The following HENMT1 variants were observed in gnomAD, a reference collection of about 807,000 sequenced individuals.
HENMT1 encodes HEN methyltransferase 1.
HENMT1 carries 27 observed loss-of-function variants against 31.1 expected under a neutral mutation model. The ratio of observed to expected loss-of-function variants is 0.87; its 90% confidence interval spans 0.64 to 1.20. The LOEUF (loss-of-function observed/expected upper bound fraction) is 1.20. Among genes scored for constraint, HENMT1 ranks in the 50% most tolerant of loss-of-function variants. The pLI, the probability that HENMT1 is intolerant of heterozygous loss-of-function variation, is 0.00. For synonymous variants in HENMT1, 167 were observed against 172.2 expected, an observed-to-expected ratio of 0.97 and a Z score of 0.24; for missense variants, 438 against 469.6, an observed-to-expected ratio of 0.93 and a Z score of 0.62.
intron 3 of HENMT1, among the ~76,000 whole-genome samples, chr1:108,656,571 T>A (rs183202605): frequency 1.1e-4 from 17 of 152,294 alleles, no homozygotes; most frequent in African/African-American, 4.1e-4. Flanking sequence ...AGCCTCAACC[T>A]CCTGGGCTCA....
rs764910348 is a variant in HENMT1, at chr1:108,648,592, A to T, written c.1156T>A (p.Tyr386Asn). ...GSAVVADLRNYFDEQFEF is the reference protein window; with the variant it reads ...GSAVVADLRNNFDEQFEF ...CAAAACTCAAACTGTTCATCAAAAT[A>T]ATTACGCAGGTCAGCCACCACTGCA... The change falls in exon 8 of 8, where the codon TAT (tyrosine) becomes AAT (asparagine). Residue 386 changes from tyrosine to asparagine, a missense_variant. Coordinates refer to ENST00000651461, the MANE Select transcript of HENMT1 (RefSeq NM_001102592.2). The T allele has an allele frequency of 1.9e-6, 3 of 1,613,702 alleles. No homozygotes were observed. The South Asian group carries it at 3.3e-5, about 18-fold the overall frequency.
Position 108,648,624 on chromosome 1 carries a change from T to A in HENMT1, c.1124A>T (p.Asp375Val). 2 of 1,614,212 alleles carry A rather than the reference T, an allele frequency of 1.2e-6. No individual in the cohort carries two copies. Among genetic ancestry groups the A allele is most frequent in the Non-Finnish European group, 1.7e-6 (2 of 1,180,036 alleles). ...CAGGTCAGCCACCACTGCAGAACCATCACTGCTCAGAGGAATTGAGTCAGC... is the reference window on the plus strand; with the variant it reads ...CAGGTCAGCCACCACTGCAGAACCAACACTGCTCAGAGGAATTGAGTCAGC... ...VIADSIPLSS[D>V]GSAVVADLRN... Residue 375 changes from aspartate (D) to valine (V), a missense_variant, in exon 8 of 8, where the codon GAT becomes GTT. Asp to Val is a radical substitution (Grantham distance 152). Transcript: ENST00000651461.
Position 108,661,054 on chromosome 1 carries a change from G to T in HENMT1, c.-170C>A. ...AACCGAAAAAACAAAGCTCGTCGCGGAGCCGCCAGCGTCCTCAACTCAGCG... is the reference window on the plus strand; with the variant it reads ...AACCGAAAAAACAAAGCTCGTCGCGTAGCCGCCAGCGTCCTCAACTCAGCG... On this transcript the variant is annotated 5_prime_UTR_variant, in exon 1 of 8. Coordinates refer to ENST00000651461, the MANE Select transcript of HENMT1 (RefSeq NM_001102592.2). 1.0e-6 allele frequency: 1 copy of T among 971,672 alleles called. No homozygotes were observed. Among genetic ancestry groups the T allele is most frequent in the Non-Finnish European group, 1.2e-6 (1 of 817,492 alleles). 60.2% of individuals were successfully genotyped at this position (971,672 alleles called of 1,614,324 possible).
intron 4 of HENMT1, 99 bp downstream of exon 4, chr1:108,655,487 C>G: frequency 1.5e-6 from 1 of 658,124 alleles, no homozygotes. Context: ...CTAATGGCCC[C>G]AATCTTTTAA....
chr1:108,656,013 G>A (rs978657357), intron 3 of HENMT1, among the ~76,000 whole-genome samples: 5 of 152,056 alleles, frequency 3.3e-5, no homozygotes, highest in African/African-American at 4.8e-5. Context: ...AAACAATTAC[G>A]TACACACAGT....
At chr1:108,649,243 C>G (rs1201688853) in intron 7 of HENMT1, 3 of 604,642 alleles carry the variant, frequency 5.0e-6, no homozygotes, top group Non-Finnish European at 9.2e-6. Flanking sequence ...GTCACATGAA[C>G]CCAGTATTTC....
chr1:108,657,980 C>T (rs1463092097), intron 2 of HENMT1, among the ~76,000 whole-genome samples: 3 of 142,094 alleles, frequency 2.1e-5, no homozygotes, highest in Non-Finnish European at 4.7e-5. Context: ...TATATACACA[C>T]ACACATATAT....
chr1:108,660,835 A>T, intron 1 of HENMT1, 128 bp downstream of exon 1: 1 of 247,454 alleles, frequency 4.0e-6, no homozygotes, highest in Non-Finnish European at 6.4e-6. Flanking sequence ...GAGGCAGGAG[A>T]ATGGCATGAA....
intron 3 of HENMT1, among the ~76,000 whole-genome samples, 169 bp downstream of exon 3, chr1:108,657,281 AC>A (rs959795758): frequency 6.6e-6 from 1 of 151,396 alleles, no homozygotes; most frequent in African/African-American, 2.4e-5. Context: ...TAAAAGAAAA[AC>A]CCCTTTTGCT....
At chr1:108,649,103 A>G (rs1657968332) in intron 7 of HENMT1, 112 bp from the exon 8 acceptor site, 1 of 778,350 alleles carries the variant, frequency 1.3e-6, no homozygotes. Flanking sequence ...CATATTGAAT[A>G]TATGTCAGAT....
At chr1:108,650,922 G>T in intron 6 of HENMT1, 108 bp downstream of exon 6, 1 of 751,762 alleles carries the variant, frequency 1.3e-6, no homozygotes, top group Non-Finnish European at 2.2e-6. Flanking sequence ...CAATTTTATT[G>T]GAAGAAAGTA....
At chr1:108,661,172 G>T (rs553161554), upstream of HENMT1, 1 of 181,098 alleles carries the variant, frequency 5.5e-6, no homozygotes, top group Non-Finnish European at 1.1e-5. Context: ...CCTCCCCGCG[G>T]GGCTCGCCAA....
chr1:108,661,275 T>G (rs1658474239), upstream of HENMT1: 1 of 152,258 alleles, frequency 6.6e-6, no homozygotes. Flanking sequence ...AGGCGTCGGT[T>G]TTGCGTCTCG....
chr1:108,656,996 C>A (rs555193468), intron 3 of HENMT1, among the ~76,000 whole-genome samples: 171 of 152,306 alleles, frequency 1.1e-3, no homozygotes, highest in Non-Finnish European at 1.5e-3. Flanking sequence ...AAAGGGCTCA[C>A]TGCAAAAAAC....
intron 1 of HENMT1, among the ~76,000 whole-genome samples, chr1:108,660,656 G>T (rs1658426172): frequency 6.6e-6 from 1 of 152,138 alleles, no homozygotes; most frequent in Non-Finnish European, 1.5e-5. Context: ...CGGGCGCGGT[G>T]GCTCACGCCT....
Position 108,651,006 on chromosome 1 carries a change from A to AAAC in HENMT1, c.578+21_578+23dup, listed in dbSNP as rs753700882. 4 of 1,559,412 alleles carry AAAC rather than the reference A, an allele frequency of 2.6e-6. No homozygotes were observed. In the South Asian group the frequency reaches 4.6e-5, roughly 18 times the overall value. On this transcript the variant is annotated intron_variant, in intron 6 of 7. Transcript: ENST00000651461. ...TTTAAACTCCAACAGGATCCCAAAT[A>AAAC]AACAAAAACCCTTCTGAACTTACCA...
chr1:108,657,826 G>A (rs929317043), intron 2 of HENMT1, among the ~76,000 whole-genome samples: 1 of 152,006 alleles, frequency 6.6e-6, no homozygotes, highest in South Asian at 2.1e-4. Context: ...AGTTTCAGCT[G>A]AAGGGAACAT....
chr1:108,649,021 T>A, intron 7 of HENMT1, 30 bp from the exon 8 acceptor site: 1 of 1,508,702 alleles, frequency 6.6e-7, no homozygotes, highest in African/African-American at 1.4e-5. Flanking sequence ...CACTTACAAG[T>A]GTATAATAAT....
chr1:108,659,980 C>T lies in HENMT1; in HGVS notation c.-78-18G>A. Reference sequence around the variant, plus strand: ...TGACTCAGCTGTAATAAATACAAAACCGTTTTTGTAAAGCGATACCTGAAA... The same window carrying T: ...TGACTCAGCTGTAATAAATACAAAATCGTTTTTGTAAAGCGATACCTGAAA... On this transcript the variant is annotated intron_variant, in intron 1 of 7. Transcript: ENST00000651461. The T allele has an allele frequency of 2.1e-6, 3 of 1,403,390 alleles. No homozygotes were observed. The highest frequency in any genetic ancestry group is 2.8e-6 in the Non-Finnish European group (3 of 1,058,828). The allele number at this position is 1,403,390 out of a possible 1,614,324, so 86.9% of individuals were successfully genotyped here. A position where few individuals can be genotyped will look rare whatever the true frequency, so the allele number is the denominator to read the frequency against.
Sources: gnomAD v4.1 joint callset for allele counts (sites outside exome capture counted in the v4.1 genomes callset) on GRCh38, gnomAD v4.1.1 for gene constraint, MANE v1.5 for transcripts, NCBI Gene and HGNC (gene_info 2026-07-23, HGNC 2026-07-21) for gene names.